MAGI2: variants seen among roughly 807,000 people sequenced by gnomAD.
MAGI2 encodes membrane-associated guanylate kinase, WW and PDZ domain-containing protein 2.
Under a neutral mutation model 133.3 loss-of-function variants are expected in MAGI2, and 35 were observed. The ratio of observed to expected loss-of-function variants is 0.26; its 90% CI spans 0.20 to 0.35. The LOEUF is 0.35. Ranked by LOEUF, MAGI2 falls within the 10% of genes least tolerant of loss-of-function variation. MAGI2 has a pLI of 1.00. For synonymous variants in MAGI2, 729 were observed against 710.6 expected (o/e 1.03, Z -0.41); for missense variants, 1,636 against 1,863.4 (o/e 0.88, Z 2.25).
intron 3 of MAGI2, among the ~76,000 whole-genome samples, chr7:78,564,365 T>C (rs1484207786): frequency 1.3e-5 from 2 of 152,258 alleles, no homozygotes; most frequent in African/African-American, 2.4e-5. Flanking sequence ...CATTCTGCTT[T>C]AGATTAATTT....
At chr7:78,595,972 A>C (rs2150861633) in intron 3 of MAGI2, among the ~76,000 whole-genome samples, 1 of 152,336 alleles carries the variant, frequency 6.6e-6, no homozygotes, top group Non-Finnish European at 1.5e-5. Context: ...AGAGATCAAA[A>C]GAAATATGCA....
chr7:79,098,470 T>C (rs1249287207), intron 1 of MAGI2, among the ~76,000 whole-genome samples: 2 of 152,250 alleles, frequency 1.3e-5, no homozygotes, highest in East Asian at 3.8e-4. Context: ...CTTATTATTT[T>C]GCCATTATTA....
intron 1 of MAGI2, among the ~76,000 whole-genome samples, chr7:79,023,988 T>A (rs201492687): frequency 3.3e-5 from 5 of 152,066 alleles, no homozygotes; most frequent in African/African-American, 9.7e-5. Context: ...AAAAAAATTT[T>A]AAATTCATAT....
rs1816956106 is a variant in MAGI2, at chr7:78,691,555, C to T, written c.419-64316G>A. Among the ~76,000 whole-genome samples the T allele has an allele frequency of 6.6e-5, 10 of 152,216 alleles. No individual in the cohort carries two copies. In the South Asian group the frequency reaches 2.1e-3, roughly 32 times the overall value. The stretch of plus-strand genomic sequence containing the variant: ...ATGAAATCTAATGACTGATGCAGAA[C>T]AGATTGGTGTATGATATTGTATAAA... On this transcript the variant is annotated intron_variant, in intron 2 of 21. Transcript: ENST00000354212.
chr7:78,466,645 A>T (rs1353170343), intron 6 of MAGI2, among the ~76,000 whole-genome samples: 1 of 152,184 alleles, frequency 6.6e-6, no homozygotes, highest in Non-Finnish European at 1.5e-5. Flanking sequence ...ACCTGGCTGG[A>T]AAGTAAACTG....
chr7:78,694,818 T>C (rs2151131969), intron 2 of MAGI2, among the ~76,000 whole-genome samples: 1 of 152,338 alleles, frequency 6.6e-6, no homozygotes, highest in South Asian at 2.1e-4. Flanking sequence ...CAGGACTTTA[T>C]ATAACATTTA....
At chr7:79,385,013 A>T (rs1844074118) in intron 1 of MAGI2, among the ~76,000 whole-genome samples, 1 of 151,730 alleles carries the variant, frequency 6.6e-6, no homozygotes, top group African/African-American at 2.4e-5. Context: ...AAAATATTCC[A>T]TGGAAGGTTA....
chr7:78,281,884 C>CAAAAA lies in MAGI2; in HGVS notation c.1409-25308_1409-25304dup, dbSNP rs60871451. ...AATAAGATGGAGCAAAACTCCATCTCAAAAAAAAAAAAAGGAGAAAACTTG... is the reference window on the plus strand; with the variant it reads ...AATAAGATGGAGCAAAACTCCATCTCAAAAAAAAAAAAAAAAAAGGAGAAAACTTG... On this transcript the variant is annotated intron_variant, in intron 9 of 21. Coordinates refer to ENST00000354212, the MANE Select transcript of MAGI2 (RefSeq NM_012301.4). Among the ~76,000 whole-genome samples the CAAAAA allele has an allele frequency of 1.9e-4, 26 of 139,740 alleles. No homozygotes were observed. The East Asian group carries it at 4.4e-3, about 24-fold the overall frequency. The allele number at this position is 139,740 out of a possible 152,430, so 91.7% of individuals were successfully genotyped here. A position where few individuals can be genotyped will look rare whatever the true frequency, so the allele number is the denominator to read the frequency against.
At chr7:78,284,006 A>G (rs1795892719) in intron 9 of MAGI2, among the ~76,000 whole-genome samples, 1 of 152,036 alleles carries the variant, frequency 6.6e-6, no homozygotes, top group African/African-American at 2.4e-5. Flanking sequence ...GGTGTTTAAC[A>G]CAACATTAAA....
chr7:78,248,188 G>A (rs925453512), intron 10 of MAGI2, among the ~76,000 whole-genome samples: 1 of 152,192 alleles, frequency 6.6e-6, no homozygotes, highest in African/African-American at 2.4e-5. Context: ...AGTGCTGAAA[G>A]TCTTTCCTGA....
chr7:78,675,832 G>A (rs1814964660), intron 2 of MAGI2, among the ~76,000 whole-genome samples: 1 of 152,128 alleles, frequency 6.6e-6, no homozygotes, highest in South Asian at 2.1e-4. Flanking sequence ...GAGGTGCAGA[G>A]CCAGTTAATG....
chr7:79,304,729 C>A (rs1357212593), intron 1 of MAGI2, among the ~76,000 whole-genome samples: 1 of 152,202 alleles, frequency 6.6e-6, no homozygotes, highest in Non-Finnish European at 1.5e-5. Flanking sequence ...AACACCAGGT[C>A]TAATTCCCTC....
intron 21 of MAGI2, among the ~76,000 whole-genome samples, chr7:78,077,068 G>A (rs1815405615): frequency 6.6e-6 from 1 of 152,102 alleles, no homozygotes; most frequent in Non-Finnish European, 1.5e-5. Context: ...GGTGGATGCT[G>A]AGAAAGCGGG....
At chr7:78,250,807 T>C (rs1018523438) in intron 10 of MAGI2, among the ~76,000 whole-genome samples, 1 of 152,110 alleles carries the variant, frequency 6.6e-6, no homozygotes, top group African/African-American at 2.4e-5. Flanking sequence ...TCTATCAGAC[T>C]TTTAAGGAAG....
chr7:78,297,892 G>T (rs1408235381), intron 9 of MAGI2, among the ~76,000 whole-genome samples: 2 of 148,596 alleles, frequency 1.3e-5, no homozygotes, highest in Admixed American at 1.3e-4. Context: ...GCTAGGTGAC[G>T]AGTTAGTGGG....
At chr7:78,811,031 A>G (rs982822662) in intron 2 of MAGI2, among the ~76,000 whole-genome samples, 1 of 152,046 alleles carries the variant, frequency 6.6e-6, no homozygotes, top group Non-Finnish European at 1.5e-5. Flanking sequence ...TTTGTTTTAT[A>G]GGATTTATCC....
At position 79,120,329 on chromosome 7, in the gene MAGI2, G is replaced by T. The variant is rs145010984; in HGVS notation, c.302-113123C>A. On this transcript the variant is annotated intron_variant, in intron 1 of 21. Transcript: ENST00000354212. The stretch of plus-strand genomic sequence containing the variant: ...GCATACATTACACATATTGAAGAGG[G>T]TTCATTGGGAATTTGCAAATACATT... 4.4e-3 allele frequency among the ~76,000 whole-genome samples: 676 copies of T among 152,102 alleles called. 7 individuals are homozygous for T. The highest frequency in any genetic ancestry group is 0.016 in the African/African-American group (645 of 41,520).
chr7:78,686,560 GAA>G (rs5885089), intron 2 of MAGI2, among the ~76,000 whole-genome samples: 30 of 136,578 alleles, frequency 2.2e-4, no homozygotes, highest in African/African-American at 7.3e-4. Flanking sequence ...GAGGAAAGTG[GAA>G]AAAAAAAAAA....
intron 9 of MAGI2, among the ~76,000 whole-genome samples, chr7:78,291,242 AAGG>A (rs1445855421): frequency 6.6e-6 from 1 of 152,222 alleles, no homozygotes; most frequent in Non-Finnish European, 1.5e-5. Flanking sequence ...AAAAATGACA[AAGG>A]AGATATCACC....
Sources: allele counts gnomAD v4.1 joint callset (sites outside exome capture counted in the v4.1 genomes callset), GRCh38; gene constraint gnomAD v4.1.1; transcripts MANE v1.5; gene names NCBI Gene and HGNC (gene_info 2026-07-23, HGNC 2026-07-21).